CD180: variants seen among roughly 807,000 people sequenced by gnomAD.
CD180 encodes CD180 molecule.
A neutral mutation model predicts 10.7 loss-of-function variants in CD180; 11 were observed. The observed-to-expected ratio is 1.03, with a 90% CI of 0.65 to 1.70. CD180 has a LOEUF of 1.70. Ranked by LOEUF, CD180 falls within the 40% of genes most tolerant of loss-of-function variation. CD180 has a pLI of 0.00. For synonymous variants in CD180, 286 were observed against 294.6 expected (o/e 0.97, Z 0.30); for missense variants, 729 against 775.2 (o/e 0.94, Z 0.71).
rs1348142430 is a variant in CD180, at chr5:67,196,589, C to T, written c.53G>A (p.Cys18Tyr). 5.0e-6 allele frequency: 8 copies of T among 1,613,922 alleles called. No homozygotes were observed. The Admixed American group carries it at 6.7e-5, about 13-fold the overall frequency. ...FFWVVLFSAGCKVITSWDQMC... is the reference protein window; with the variant it reads ...FFWVVLFSAGYKVITSWDQMC... Reference sequence around the variant, plus strand: ...CTGATCCCAGGAGGTGATGACTTTACAGCCGGCAGAAAACAGCACCACCCA... The same window carrying T: ...CTGATCCCAGGAGGTGATGACTTTATAGCCGGCAGAAAACAGCACCACCCA... The change falls in exon 1 of 3, where the codon TGT becomes TAT. Residue 18 changes from cysteine (C) to tyrosine (Y), a missense_variant. By Grantham distance (194) the Cys-to-Tyr change is radical. Transcript: ENST00000256447.
chr5:67,183,944 A>G lies in CD180; in HGVS notation c.899T>C (p.Leu300Pro). 6.2e-7 allele frequency: 1 copy of G among 1,614,160 alleles called. No individual in the cohort carries two copies. The highest frequency in any genetic ancestry group is 8.5e-7 in the Non-Finnish European group (1 of 1,180,024). The stretch of plus-strand genomic sequence containing the variant: ...AGTTGCTGTCAGATCCAATTCTTGG[A>G]GTTGGGTGAAGCACTGAAATGTGGT... Reference protein sequence around the residue: ...SSTTFQCFTQLQELDLTATHL... With the variant: ...SSTTFQCFTQPQELDLTATHL... Residue 300 changes from leucine to proline, a missense_variant, in exon 3 of 3, where the codon CTC (leucine) becomes CCC (proline). Transcript: ENST00000256447.
In CD180 at chr5:67,182,754, A is replaced by T; in HGVS notation, c.*103T>A. ...AGTGAGTCCCTGCCCAGTTCCAGGA[A>T]GCAATCTGAAAAGTCTGGTCTGGTC... On this transcript the variant is annotated 3_prime_UTR_variant, in exon 3 of 3. Transcript: ENST00000256447. The T allele has an allele frequency of 1.1e-6, 1 of 908,284 alleles. No homozygotes were observed. The highest frequency in any genetic ancestry group is 2.8e-5 in the Admixed American group (1 of 35,806). The allele number at this position is 908,284 out of a possible 1,614,324, so 56.3% of individuals were successfully genotyped here.
chr5:67,186,877 A>ATGTGTGTGTGTGTGC (rs1561235932), intron 1 of CD180, among the ~76,000 whole-genome samples: 1 of 112,772 alleles, frequency 8.9e-6, no homozygotes, highest in African/African-American at 3.9e-5. Context: ...TGTGTGTGAA[A>ATGTGTGTGTGTGTGC]GAGAGAGAGA....
Position 67,182,841 on chromosome 5 carries a change from C to G in CD180, c.*16G>C, listed in dbSNP as rs763243563. The G allele has an allele frequency of 2.0e-5, 31 of 1,567,392 alleles. No individual in the cohort carries two copies. In the East Asian group the frequency reaches 7.0e-4, roughly 35 times the overall value. On this transcript the variant is annotated 3_prime_UTR_variant, in exon 3 of 3. Transcript: ENST00000256447. ...TGCTAAGCACACTTATTTGCTTTCT[C>G]TGGAAACCTTCAGCACTAAATGTGT... is the stretch of plus-strand genomic sequence containing the variant.
intron 1 of CD180, among the ~76,000 whole-genome samples, chr5:67,186,742 AT>A (rs538566265): frequency 6.6e-6 from 1 of 152,336 alleles, no homozygotes; most frequent in African/African-American, 2.4e-5. Context: ...TGCCAAAAAA[AT>A]AATTAAACTT....
Position 67,183,435 on chromosome 5 carries a change from C to T in CD180, c.1408G>A (p.Val470Ile). 1 of 1,614,188 alleles carries T rather than the reference C, an allele frequency of 6.2e-7. No individual in the cohort carries two copies. Among genetic ancestry groups the T allele is most frequent in the Non-Finnish European group, 8.5e-7 (1 of 1,180,040 alleles). ...SNQHLLAGLP[V>I]LRHLNLKGNH... The stretch of plus-strand genomic sequence containing the variant: ...CCTTTTAAGTTGAGATGCCGGAGAA[C>T]TGGTAGGCCTGCTAGAAGATGCTGA... Residue 470 changes from valine (V) to isoleucine (I), a missense_variant, in exon 3 of 3, where the codon GTT (valine) becomes ATT (isoleucine). Val to Ile is a conservative substitution (Grantham distance 29, BLOSUM62 3). Coordinates refer to ENST00000256447, the MANE Select transcript of CD180 (RefSeq NM_005582.3).
chr5:67,185,189 C>T (rs1034233379), intron 2 of CD180, among the ~76,000 whole-genome samples: 1 of 150,126 alleles, frequency 6.7e-6, no homozygotes, highest in Non-Finnish European at 1.5e-5. Flanking sequence ...TGGATGTGGA[C>T]ATCCTGTCCA....
intron 1 of CD180, among the ~76,000 whole-genome samples, chr5:67,192,360 C>T (rs1359980791): frequency 6.6e-6 from 1 of 151,714 alleles, no homozygotes; most frequent in African/African-American, 2.4e-5. Context: ...GCACTCGAGC[C>T]TGGGCGACAG....
At chr5:67,192,355 C>G (rs527504111) in intron 1 of CD180, among the ~76,000 whole-genome samples, 1 of 151,418 alleles carries the variant, frequency 6.6e-6, no homozygotes, top group African/African-American at 2.4e-5. Flanking sequence ...CCACTGCACT[C>G]GAGCCTGGGC....
chr5:67,184,017 C>T lies in CD180; in HGVS notation c.826G>A (p.Val276Ile), dbSNP rs752287751. Residue 276 changes from valine (V) to isoleucine (I), a missense_variant, in exon 3 of 3, where the codon GTT (valine) becomes ATT (isoleucine). Physicochemically the swap from Val to Ile is conservative, Grantham distance 29. Transcript: ENST00000256447. ...TGTTCCTGCAGGTTGAGGCTCTCAA[C>T]AGACATTTCACAGAGTCCCTTGAGC... ...AMLKGLCEMS[V>I]ESLNLQEHRF... The T allele has an allele frequency of 3.9e-5, 63 of 1,613,976 alleles. No individual in the cohort carries two copies. Among genetic ancestry groups the T allele is most frequent in the Non-Finnish European group, 3.0e-5 (35 of 1,179,976 alleles).
intron 1 of CD180, among the ~76,000 whole-genome samples, chr5:67,188,174 G>A (rs5744505): frequency 0.075 from 10,981 of 147,034 alleles, 1,087 homozygotes; most frequent in African/African-American, 0.23. Context: ...GCCTCAAAAA[G>A]AAAAAAAAAA....
At position 67,184,423 on chromosome 5, in the gene CD180, G is replaced by C; in HGVS notation, c.420C>G (p.Leu140=). The C allele has an allele frequency of 1.9e-6, 3 of 1,613,992 alleles. No homozygotes were observed. Among genetic ancestry groups the C allele is most frequent in the Non-Finnish European group, 2.5e-6 (3 of 1,179,884 alleles). The change falls in exon 3 of 3, where the codon CTC becomes CTG. Residue 140 remains leucine, a synonymous_variant. Transcript: ENST00000256447. ...CCAGATTGTGCACTGGAATAAACTC[G>C]AGATTGGATATTCCCGTTTGGATTA... ...LFLIQTGISN[L]EFIPVHNLEN...
chr5:67,190,808 G>A, intron 1 of CD180: 1 of 410,532 alleles, frequency 2.4e-6, no homozygotes, highest in Non-Finnish European at 3.3e-6. Context: ...TCTCAATCAG[G>A]CTCTTATTTT....
In CD180 at chr5:67,183,572, A is replaced by G. The variant is rs911750251; in HGVS notation, c.1271T>C (p.Leu424Pro). 3 of 1,614,060 alleles carry G rather than the reference A, an allele frequency of 1.9e-6. No homozygotes were observed. In the African/African-American group the frequency reaches 4.0e-5, roughly 22 times the overall value. Residue 424 changes from leucine to proline, a missense_variant, in exon 3 of 3, where the codon CTC (leucine) becomes CCC (proline). By Grantham distance (98) the Leu-to-Pro change is moderately conservative. Transcript: ENST00000256447. ...TAAGCGGGTAAATGCCAAATCGAGG[A>G]GTTCTAGCTGAGGACATTCTTTGAA... ...QAFKECPQLE[L>P]LDLAFTRLHI... is the part of the protein sequence containing the mutation.
chr5:67,195,238 A>G (rs1166271790), intron 1 of CD180, among the ~76,000 whole-genome samples: 1 of 152,106 alleles, frequency 6.6e-6, no homozygotes, highest in African/African-American at 2.4e-5. Flanking sequence ...TTGTTTTAAG[A>G]CAGAGTCTTG....
intron 1 of CD180, among the ~76,000 whole-genome samples, chr5:67,195,284 A>G (rs1044745730): frequency 1.3e-5 from 2 of 152,114 alleles, no homozygotes; most frequent in African/African-American, 4.8e-5. Flanking sequence ...TGGCACAATC[A>G]CGGCTCACTG....
At position 67,183,374 on chromosome 5, in the gene CD180, T is replaced by C. The variant is rs1427458805; in HGVS notation, c.1469A>G (p.Asn490Ser). The C allele has an allele frequency of 4.3e-6, 7 of 1,614,068 alleles. No individual in the cohort carries two copies. The highest frequency in any genetic ancestry group is 1.3e-5 in the African/African-American group (1 of 74,904). The change falls in exon 3 of 3, where the codon AAC (asparagine) becomes AGC (serine). Residue 490 changes from asparagine (N) to serine (S), a missense_variant. Coordinates refer to ENST00000256447, the MANE Select transcript of CD180 (RefSeq NM_005582.3). The part of the protein sequence containing the change: ...HFQDGTITKT[N>S]LLQTVGSLEV... ...CAAGCTGCCCACGGTCTGAAGTAGG[T>C]TGGTCTTCGTGATAGTCCCATCTTG... is the stretch of plus-strand genomic sequence containing the variant.
chr5:67,195,070 C>T (rs1008171761), intron 1 of CD180, among the ~76,000 whole-genome samples: 4 of 152,256 alleles, frequency 2.6e-5, no homozygotes, highest in South Asian at 4.2e-4. Flanking sequence ...TGCCAGGGAG[C>T]GAGGGTGCAG....
chr5:67,182,341 G>A lies in CD180; in HGVS notation c.*516C>T, dbSNP rs1561232562. 1 of 152,272 alleles carries A rather than the reference G, an allele frequency of 6.6e-6. No homozygotes were observed. Among genetic ancestry groups the A allele is most frequent in the Non-Finnish European group, 1.5e-5 (1 of 68,150 alleles). 9.4% of individuals were successfully genotyped at this position (152,272 alleles called of 1,614,324 possible). ...CTTTTCTTTTTTCATTTAAAATAAG[G>A]ATTGAGACTTTGTCCCCAAGTAAGT... On this transcript the variant is annotated 3_prime_UTR_variant, in exon 3 of 3. Transcript: ENST00000256447.
Sources: allele counts gnomAD v4.1 joint callset (sites outside exome capture counted in the v4.1 genomes callset), GRCh38; gene constraint gnomAD v4.1.1; transcripts MANE v1.5; gene names NCBI Gene and HGNC (gene_info 2026-07-23, HGNC 2026-07-21).